The following DYNC1I1 variants were observed in gnomAD, a reference collection of about 807,000 sequenced individuals.
DYNC1I1 encodes dynein cytoplasmic 1 intermediate chain 1.
In DYNC1I1, 43 loss-of-function variants were observed where a neutral mutation model predicts 86.6. The observed-to-expected ratio is 0.50, with a 90% confidence interval of 0.39 to 0.64. The LOEUF is 0.64. Ranked by LOEUF, DYNC1I1 falls within the 30% of genes least tolerant of loss-of-function variation. The pLI, the probability that DYNC1I1 is intolerant of heterozygous loss-of-function variation, is 0.00. For missense variants in DYNC1I1, 604 were observed against 788.8 expected (o/e 0.77, Z 2.81); for synonymous variants, 262 against 283.7 (o/e 0.92, Z 0.77).
At chr7:96,052,272 T>C (rs533490218) in intron 14 of DYNC1I1, among the ~76,000 whole-genome samples, 196 of 152,254 alleles carry the variant, frequency 1.3e-3, no homozygotes, top group Admixed American at 2.9e-3. Flanking sequence ...AGGTTAAGCT[T>C]TAAAAATCCT....
At chr7:95,899,576 A>G (rs1790980079) in intron 6 of DYNC1I1, among the ~76,000 whole-genome samples, 1 of 152,180 alleles carries the variant, frequency 6.6e-6, no homozygotes, top group African/African-American at 2.4e-5. Flanking sequence ...GCTTGAGTCA[A>G]TGACTCCTTG....
chr7:96,089,287 G>C (rs979028440), intron 16 of DYNC1I1, among the ~76,000 whole-genome samples: 1 of 151,862 alleles, frequency 6.6e-6, no homozygotes, highest in South Asian at 2.1e-4. Flanking sequence ...ACAAAAAGTG[G>C]TTATTTGACA....
At chr7:95,941,208 A>G (rs968797356) in intron 6 of DYNC1I1, among the ~76,000 whole-genome samples, 3 of 151,824 alleles carry the variant, frequency 2.0e-5, no homozygotes, top group South Asian at 2.1e-4. Flanking sequence ...GTCTGCCCCT[A>G]CTGGGGGGTG....
At chr7:95,839,499 C>CAT (rs1306949820) in intron 5 of DYNC1I1, among the ~76,000 whole-genome samples, 1 of 151,932 alleles carries the variant, frequency 6.6e-6, no homozygotes, top group Admixed American at 6.6e-5. Context: ...TGTTGCAGTT[C>CAT]ATATCTGTTT....
intron 10 of DYNC1I1, among the ~76,000 whole-genome samples, chr7:96,009,668 T>C (rs1794225617): frequency 6.6e-6 from 1 of 152,172 alleles, no homozygotes; most frequent in African/African-American, 2.4e-5. Context: ...ACTGATCTGC[T>C]ATTCATGCCT....
At chr7:96,054,515 T>C (rs185158929) in intron 14 of DYNC1I1, among the ~76,000 whole-genome samples, 49 of 152,368 alleles carry the variant, frequency 3.2e-4, no homozygotes, top group Admixed American at 2.4e-3. Context: ...ATGGGATTGC[T>C]GGGTCAAATG....
chr7:95,779,894 T>C (rs1402565647), intron 1 of DYNC1I1, among the ~76,000 whole-genome samples: 1 of 152,172 alleles, frequency 6.6e-6, no homozygotes, highest in Non-Finnish European at 1.5e-5. Context: ...CCTGGAAGTC[T>C]TGCTTTCCTG....
chr7:96,001,587 A>C (rs1449432431), intron 10 of DYNC1I1, among the ~76,000 whole-genome samples: 3 of 152,208 alleles, frequency 2.0e-5, no homozygotes, highest in Admixed American at 6.5e-5. Flanking sequence ...GTATTTTAAT[A>C]ACTGGTAAGG....
At position 96,077,574 on chromosome 7, in the gene DYNC1I1, AG is replaced by A. The variant is rs1239441611; in HGVS notation, c.1650+1378del. 4.6e-5 allele frequency among the ~76,000 whole-genome samples: 7 copies of A among 152,192 alleles called. No individual in the cohort carries two copies. The East Asian group carries it at 1.3e-3, about 29-fold the overall frequency. ...TTACCCTACATTGTAAGGGTTTCCC[AG>A]AGTCTTCATCACTGTTTATTAAAAT... On this transcript the variant is annotated intron_variant, in intron 15 of 16. Coordinates refer to ENST00000447467, the MANE Select transcript of DYNC1I1 (RefSeq NM_001135556.2).
At chr7:95,816,700 A>G in intron 4 of DYNC1I1, among the ~76,000 whole-genome samples, 1 of 152,214 alleles carries the variant, frequency 6.6e-6, no homozygotes, top group East Asian at 1.9e-4. Context: ...ACATATTAAG[A>G]GGATACTATG....
intron 16 of DYNC1I1, among the ~76,000 whole-genome samples, chr7:96,107,300 G>A (rs1584324514): frequency 6.6e-6 from 1 of 152,116 alleles, no homozygotes; most frequent in Non-Finnish European, 1.5e-5. Context: ...AAAGTGCTGG[G>A]ATTACAGGTG....
chr7:95,857,195 C>T (rs1789748226), intron 5 of DYNC1I1, among the ~76,000 whole-genome samples: 1 of 152,118 alleles, frequency 6.6e-6, no homozygotes, highest in Non-Finnish European at 1.5e-5. Context: ...TCCAGAATTG[C>T]ACCTGTGTCT....
At chr7:95,990,838 TG>T (rs554528016) in intron 9 of DYNC1I1, among the ~76,000 whole-genome samples, 210 of 152,160 alleles carry the variant, frequency 1.4e-3, no homozygotes, top group African/African-American at 4.6e-3. Flanking sequence ...AAGACCAGCC[TG>T]GGCAACATGG....
intron 16 of DYNC1I1, among the ~76,000 whole-genome samples, chr7:96,084,447 T>C (rs1477045612): frequency 4.7e-5 from 7 of 147,582 alleles, no homozygotes; most frequent in African/African-American, 1.2e-4. Context: ...CTTTTCTTTT[T>C]TTTTTTTTTT....
chr7:95,796,678 T>C (rs1794446007), intron 1 of DYNC1I1, among the ~76,000 whole-genome samples: 1 of 152,080 alleles, frequency 6.6e-6, no homozygotes, highest in Admixed American at 6.5e-5. Context: ...ACTCCCTCTG[T>C]TTAGATTATT....
intron 12 of DYNC1I1, among the ~76,000 whole-genome samples, chr7:96,033,134 C>G: frequency 6.6e-6 from 1 of 152,176 alleles, no homozygotes; most frequent in East Asian, 1.9e-4. Context: ...GCAGAGCAAT[C>G]CCTTATGGGT....
intron 5 of DYNC1I1, among the ~76,000 whole-genome samples, chr7:95,866,906 G>A (rs1230629060): frequency 1.3e-5 from 2 of 152,198 alleles, no homozygotes. Flanking sequence ...TTAGGTACAA[G>A]TCAGACCCTG....
chr7:95,818,495 G>C (rs767880380), intron 4 of DYNC1I1: 8 of 243,758 alleles, frequency 3.3e-5, no homozygotes, highest in Non-Finnish European at 5.6e-5. Flanking sequence ...TTTTTTTTTT[G>C]TAGAGACGAA....
intron 5 of DYNC1I1, among the ~76,000 whole-genome samples, chr7:95,855,304 T>C (rs1789689400): frequency 6.6e-6 from 1 of 152,184 alleles, no homozygotes; most frequent in South Asian, 2.1e-4. Flanking sequence ...TGCTGAGAAA[T>C]TTGCTGCTAG....
Sources: allele counts gnomAD v4.1 joint callset (sites outside exome capture counted in the v4.1 genomes callset), GRCh38; gene constraint gnomAD v4.1.1; transcripts MANE v1.5; gene names NCBI Gene and HGNC (gene_info 2026-07-23, HGNC 2026-07-21).